The following FBXW8 variants were observed in gnomAD, a reference collection of about 807,000 sequenced individuals.
The protein encoded by FBXW8 is F-box/WD repeat-containing protein 8.
Under a neutral mutation model 65.3 loss-of-function variants are expected in FBXW8, and 57 were observed. The observed-to-expected ratio is 0.87, with a 90% CI of 0.71 to 1.09. The LOEUF (loss-of-function observed/expected upper bound fraction) is 1.09. FBXW8 is among the 50% of genes least tolerant of loss of function. The probability of loss-of-function intolerance (pLI) is 0.00; values close to 1 mark genes in which losing one functional copy is unlikely to be tolerated. For missense variants in FBXW8, 777 were observed against 814.8 expected, an observed-to-expected ratio of 0.95 and a Z score of 0.57; for synonymous variants, 308 against 330.2, an observed-to-expected ratio of 0.93 and a Z score of 0.73.
chr12:117,027,338 A>T lies in FBXW8; in HGVS notation c.1542-56A>T, dbSNP rs906741710. Reference sequence around the variant, plus strand: ...AGCTCTGAACTCCCAGGCCTGCGGCAGCAAGTGCAGGCCCAGTGGACGCCC... The same window carrying T: ...AGCTCTGAACTCCCAGGCCTGCGGCTGCAAGTGCAGGCCCAGTGGACGCCC... On this transcript the variant is annotated intron_variant, in intron 9 of 10. Transcript: ENST00000652555. 13 of 1,326,384 alleles carry T rather than the reference A, an allele frequency of 9.8e-6. No individual in the cohort carries two copies. The Admixed American group carries it at 2.2e-4, about 22-fold the overall frequency. 82.2% of individuals were successfully genotyped at this position (1,326,384 alleles called of 1,614,324 possible).
chr12:117,005,819 A>G (rs984097196), intron 7 of FBXW8, among the ~76,000 whole-genome samples: 1 of 152,230 alleles, frequency 6.6e-6, no homozygotes, highest in Non-Finnish European at 1.5e-5. Context: ...AGAAGAGCCA[A>G]GAGCCACATA....
At chr12:116,975,206 C>G (rs1365050653) in intron 5 of FBXW8, among the ~76,000 whole-genome samples, 1 of 152,190 alleles carries the variant, frequency 6.6e-6, no homozygotes, top group Admixed American at 6.5e-5. Context: ...GAATCACCAG[C>G]GGATGTTAAA....
chr12:116,941,075 A>T (rs771445762), intron 2 of FBXW8, among the ~76,000 whole-genome samples: 16 of 152,232 alleles, frequency 1.1e-4, no homozygotes, highest in Non-Finnish European at 1.9e-4. Context: ...GGGCAAAATC[A>T]GGGCCATAGG....
At chr12:116,956,202 A>C (rs1300154005) in intron 4 of FBXW8, among the ~76,000 whole-genome samples, 2 of 152,018 alleles carry the variant, frequency 1.3e-5, no homozygotes, top group African/African-American at 4.8e-5. Flanking sequence ...CCTTTTTAGC[A>C]TACCGTTCCT....
chr12:116,985,700 T>A (rs1885630889), intron 6 of FBXW8: 1 of 278,708 alleles, frequency 3.6e-6, no homozygotes, highest in Non-Finnish European at 6.7e-6. Context: ...TGTGGTTCCT[T>A]GGCCTTCTTC....
Position 116,911,331 on chromosome 12 carries a change from G to A in FBXW8, c.294G>A (p.Leu98=). The A allele has an allele frequency of 7.8e-7, 1 of 1,283,848 alleles. No individual in the cohort carries two copies. The highest frequency in any genetic ancestry group is 9.8e-7 in the Non-Finnish European group (1 of 1,019,356). The allele number at this position is 1,283,848 out of a possible 1,614,324, so 79.5% of individuals were successfully genotyped here. A position where few individuals can be genotyped will look rare whatever the true frequency, so the allele number is the denominator to read the frequency against. ...AREGAGGGEQ[L]VDQLIRDLNE... The stretch of plus-strand genomic sequence containing the variant: ...AGGGCGCCGGGGGCGGGGAGCAGCT[G>A]GTGGACCAGCTCATCCGCGACCTGG... Residue 98 remains leucine, a synonymous_variant, in exon 1 of 11, where the codon CTG becomes CTA. Coordinates refer to ENST00000652555, the MANE Select transcript of FBXW8 (RefSeq NM_153348.3).
intron 1 of FBXW8, among the ~76,000 whole-genome samples, chr12:116,923,051 C>G (rs1881027463): frequency 6.6e-6 from 1 of 152,028 alleles, no homozygotes; most frequent in Non-Finnish European, 1.5e-5. Flanking sequence ...CTAAAAAATA[C>G]AAAAATTAGC....
At chr12:116,960,680 A>G (rs1883930213) in intron 4 of FBXW8, among the ~76,000 whole-genome samples, 1 of 152,202 alleles carries the variant, frequency 6.6e-6, no homozygotes, top group Non-Finnish European at 1.5e-5. Context: ...GGTACCCCTC[A>G]AGCCAGTCAG....
chr12:116,996,789 T>A (rs1953389555), intron 7 of FBXW8, among the ~76,000 whole-genome samples: 1 of 152,182 alleles, frequency 6.6e-6, no homozygotes, highest in Admixed American at 6.5e-5. Context: ...TTGCCGTCAT[T>A]GTTAATGAAT....
At chr12:116,924,475 T>C (rs997163643) in intron 1 of FBXW8, among the ~76,000 whole-genome samples, 2 of 152,202 alleles carry the variant, frequency 1.3e-5, no homozygotes, top group African/African-American at 4.8e-5. Context: ...CAATAAATTG[T>C]TGTGAATTAT....
chr12:117,030,808 A>C lies in FBXW8; in HGVS notation c.*2636A>C, dbSNP rs1322409376. 1 of 152,214 alleles carries C rather than the reference A, an allele frequency of 6.6e-6. No homozygotes were observed. The highest frequency in any genetic ancestry group is 2.4e-5 in the African/African-American group (1 of 41,458). The allele number at this position is 152,214 out of a possible 1,614,324, so 9.4% of individuals were successfully genotyped here. A position where few individuals can be genotyped will look rare whatever the true frequency, so the allele number is the denominator to read the frequency against. On this transcript the variant is annotated 3_prime_UTR_variant, in exon 11 of 11. Coordinates refer to ENST00000652555, the MANE Select transcript of FBXW8 (RefSeq NM_153348.3). ...ACTTCAGGCAGTGTTTTCTACTGCA[A>C]ACCTCCACATCCTGGAATCAATCAC... is the stretch of plus-strand genomic sequence containing the variant.
At chr12:117,018,719 T>A (rs1480128600) in intron 8 of FBXW8, among the ~76,000 whole-genome samples, 3 of 152,178 alleles carry the variant, frequency 2.0e-5, no homozygotes, top group African/African-American at 7.2e-5. Context: ...TGATATAAAA[T>A]ACACTGAGGC....
rs930493141 is a variant in FBXW8 at position 116,977,158 on chromosome 12, G to A, written c.836-8048G>A. Among the ~76,000 whole-genome samples, 9 of 152,316 alleles carry A rather than the reference G, an allele frequency of 5.9e-5. No individual in the cohort carries two copies. The East Asian group carries it at 9.7e-4, about 16-fold the overall frequency. The stretch of plus-strand genomic sequence containing the variant: ...ATTTGGTGTTAGGTAACTCAGAACC[G>A]ACTGCAGTTTCGCCATCATTTAAAT... On this transcript the variant is annotated intron_variant, in intron 5 of 10. Transcript: ENST00000652555.
At chr12:116,958,009 A>G (rs1344500930) in intron 4 of FBXW8, among the ~76,000 whole-genome samples, 1 of 152,238 alleles carries the variant, frequency 6.6e-6, no homozygotes, top group Non-Finnish European at 1.5e-5. Flanking sequence ...GGGAAGGGCC[A>G]CAGCTACAAT....
chr12:116,910,965 A>C lies in FBXW8; in HGVS notation c.-73A>C. On this transcript the variant is annotated 5_prime_UTR_variant, in exon 1 of 11. Transcript: ENST00000652555. ...GCAGCGGCTTCCGGCCGCGGCGGAC[A>C]CTTCCCTGGGCGGGACTGTCTCGTG... 7.8e-7 allele frequency: 1 copy of C among 1,274,544 alleles called. No individual in the cohort carries two copies. Among genetic ancestry groups the C allele is most frequent in the Admixed American group, 4.2e-5 (1 of 23,758 alleles). 79.0% of individuals were successfully genotyped at this position (1,274,544 alleles called of 1,614,324 possible).
intron 1 of FBXW8, among the ~76,000 whole-genome samples, chr12:116,920,428 G>A (rs1250345054): frequency 2.0e-5 from 3 of 152,240 alleles, no homozygotes; most frequent in Non-Finnish European, 4.4e-5. Flanking sequence ...AAAAAAGCCT[G>A]TGCCCTTGTG....
At chr12:116,971,727 T>TA (rs976009234) in intron 5 of FBXW8, among the ~76,000 whole-genome samples, 12 of 151,992 alleles carry the variant, frequency 7.9e-5, no homozygotes, top group East Asian at 3.9e-4. Flanking sequence ...ATGGTAATCT[T>TA]AAAAAAAATA....
intron 7 of FBXW8, among the ~76,000 whole-genome samples, chr12:117,005,666 G>T (rs1953657572): frequency 6.6e-6 from 1 of 152,238 alleles, no homozygotes; most frequent in South Asian, 2.1e-4. Flanking sequence ...TGTCAGCACT[G>T]ACCAGGGGAA....
chr12:116,978,853 G>A (rs1317291346), intron 5 of FBXW8: 6 of 151,988 alleles, frequency 3.9e-5, no homozygotes, highest in Non-Finnish European at 7.4e-5. Flanking sequence ...TTACCTTTCA[G>A]GCAATTAACA....
Sources: allele counts gnomAD v4.1 joint callset (sites outside exome capture counted in the v4.1 genomes callset), GRCh38; gene constraint gnomAD v4.1.1; transcripts MANE v1.5; gene names NCBI Gene and HGNC (gene_info 2026-07-23, HGNC 2026-07-21).